Variants in PSME2 observed in about 807,000 individuals in gnomAD.
PSME2 encodes proteasome activator subunit 2, also known as proteasome activator complex subunit 2.
A neutral mutation model predicts 38.8 loss-of-function variants in PSME2; 20 were observed. The ratio of observed to expected loss-of-function variants is 0.52; its 90% CI spans 0.36 to 0.75. The LOEUF is 0.75. PSME2 is among the 30% of genes least tolerant of loss of function. The probability of loss-of-function intolerance (pLI) is 0.00; values close to 1 mark genes in which losing one functional copy is unlikely to be tolerated. For missense variants in PSME2, 227 were observed against 287.6 expected, an observed-to-expected ratio of 0.79 and a Z score of 1.52; for synonymous variants, 82 against 102.5, an observed-to-expected ratio of 0.80 and a Z score of 1.21.
Position 24,145,315 on chromosome 14 carries a change from G to A in PSME2, c.232-42C>T, listed in dbSNP as rs368057665. The A allele has an allele frequency of 7.4e-6, 12 of 1,613,276 alleles. No homozygotes were observed. The African/African-American group carries it at 1.2e-4, about 16-fold the overall frequency. ...GGAAAGTAGCTTTAGAAAAGTCACA[G>A]AGGTTGAAGGGCTATCTTCTCCATT... On this transcript the variant is annotated intron_variant, in intron 4 of 10. Transcript: ENST00000216802.
At chr14:24,144,708 G>T (rs980971317) in intron 6 of PSME2, 2 of 584,158 alleles carry the variant, frequency 3.4e-6, no homozygotes, top group Non-Finnish European at 6.0e-6. Context: ...AAGGCTACCA[G>T]CTAGGTAACT....
Position 24,146,583 on chromosome 14 carries a change from C to A in PSME2, c.-2G>T. ...GCGCACCCCACACGGCTTGGCCATG[C>A]TGCTTCAGTCGCTAGATCTCTGGTC... On this transcript the variant is annotated 5_prime_UTR_variant, in exon 1 of 11. Transcript: ENST00000216802. 6.2e-7 allele frequency: 1 copy of A among 1,613,430 alleles called. No homozygotes were observed. Among genetic ancestry groups the A allele is most frequent in the Non-Finnish European group, 8.5e-7 (1 of 1,180,030 alleles).
intron 3 of PSME2, 70 bp downstream of exon 3, chr14:24,145,640 G>A (rs1441308524): frequency 6.5e-7 from 1 of 1,528,620 alleles, no homozygotes; most frequent in African/African-American, 1.4e-5. Context: ...GAATCCAGTT[G>A]TTAGCTAGAG....
chr14:24,146,472 C>G, intron 1 of PSME2, 62 bp downstream of exon 1: 1 of 1,608,806 alleles, frequency 6.2e-7, no homozygotes, highest in Admixed American at 1.7e-5. Context: ...CCTGAACCAC[C>G]CAGCTTGGCC....
At position 24,143,514 on chromosome 14, in the gene PSME2, G is replaced by C. The variant is rs373626883; in HGVS notation, c.640-25C>G. 1.2e-5 allele frequency: 19 copies of C among 1,613,394 alleles called. No individual in the cohort carries two copies. In the African/African-American group the frequency reaches 2.3e-4, roughly 19 times the overall value. On this transcript the variant is annotated intron_variant, in intron 10 of 10. Coordinates refer to ENST00000216802, the MANE Select transcript of PSME2 (RefSeq NM_002818.3). This position sits in a 1 kb window ranked among gnomAD's most constrained non-coding sequence, Gnocchi z 4.4. ...CCTGGGAGAAGGCCAGAGTGCAAGAGTCAGGTTCTTAGCCAATCCCCTGCC... is the reference window on the plus strand; with the variant it reads ...CCTGGGAGAAGGCCAGAGTGCAAGACTCAGGTTCTTAGCCAATCCCCTGCC...
At chr14:24,146,318 G>A in intron 1 of PSME2, 78 bp from the exon 2 acceptor site, 9 of 1,558,244 alleles carry the variant, frequency 5.8e-6, no homozygotes, top group Non-Finnish European at 8.0e-6. Context: ...GGGTGCCCTC[G>A]AACTGTGGCT....
chr14:24,144,603 A>G, intron 6 of PSME2, 135 bp from the exon 7 acceptor site: 1 of 836,384 alleles, frequency 1.2e-6, no homozygotes, highest in Non-Finnish European at 1.9e-6. Flanking sequence ...TATTTATTTC[A>G]TGTAATCATC....
At position 24,145,451 on chromosome 14, in the gene PSME2, ATT is replaced by A; in HGVS notation, c.157_158del (p.Asn53CysfsTer3). The A allele has an allele frequency of 6.4e-7, 1 of 1,554,826 alleles. No individual in the cohort carries two copies. ...LNQLLQEDSL[N>X]VADLTSLRAP... ...CCCGGAGGGAAGTCAAGTCAGCCAC[ATT>A]GAGGGAGTCCTCCTGCACAGAGCTC... On this transcript the variant is annotated frameshift_variant, in exon 4 of 11. Coordinates refer to ENST00000216802, the MANE Select transcript of PSME2 (RefSeq NM_002818.3). LOFTEE classifies it high-confidence loss of function.
intron 6 of PSME2, 30 bp downstream of exon 6, chr14:24,145,025 TCTC>T: frequency 6.3e-7 from 1 of 1,578,182 alleles, no homozygotes; most frequent in Non-Finnish European, 8.7e-7. Context: ...TTGTGTGTCT[TCTC>T]TTTCTGCTTC....
intron 3 of PSME2, 110 bp from the exon 4 acceptor site, chr14:24,145,575 C>A: frequency 7.0e-7 from 1 of 1,438,234 alleles, no homozygotes; most frequent in Non-Finnish European, 9.7e-7. Context: ...TAGGCTCATG[C>A]CTCACGCCAT....
chr14:24,145,665 G>C (rs2038141218), intron 3 of PSME2, 45 bp downstream of exon 3: 2 of 1,578,568 alleles, frequency 1.3e-6, no homozygotes, highest in Non-Finnish European at 1.7e-6. Context: ...TGGGCAAAGG[G>C]GATAGAGGAC....
chr14:24,143,920 C>T lies in PSME2; in HGVS notation c.552+55G>A, dbSNP rs1197934074. The T allele has an allele frequency of 6.4e-7, 1 of 1,573,504 alleles. No homozygotes were observed. Among genetic ancestry groups the T allele is most frequent in the Non-Finnish European group, 8.7e-7 (1 of 1,144,208 alleles). ...CAAACAAGACAAGGAGGACTTCTTC[C>T]TCCACACCTCCTCGTCCCACACCCA... On this transcript the variant is annotated intron_variant, in intron 9 of 10. Coordinates refer to ENST00000216802, the MANE Select transcript of PSME2 (RefSeq NM_002818.3). The surrounding 1 kb of genome is among the most constrained non-coding windows in gnomAD (Gnocchi z 4.4).
chr14:24,143,541 G>A lies in PSME2; in HGVS notation c.639+44C>T, dbSNP rs749128597. 1 of 1,612,206 alleles carries A rather than the reference G, an allele frequency of 6.2e-7. No individual in the cohort carries two copies. Among genetic ancestry groups the A allele is most frequent in the East Asian group, 2.2e-5 (1 of 44,868 alleles). On this transcript the variant is annotated intron_variant, in intron 10 of 10. Transcript: ENST00000216802. The surrounding 1 kb of genome is among the most constrained non-coding windows in gnomAD (Gnocchi z 4.4). ...CAGGTTCTTAGCCAATCCCCTGCCT[G>A]CCCCCACTCATCCACCTCCCCTAAA...
chr14:24,143,375 A>G lies in PSME2; in HGVS notation c.*34T>C, dbSNP rs754186139. Reference sequence around the variant, plus strand: ...CACGCCAGAAGGGAATCCACACAACATATAGATCATTTATTTTCCTTCTAG... The same window carrying G: ...CACGCCAGAAGGGAATCCACACAACGTATAGATCATTTATTTTCCTTCTAG... On this transcript the variant is annotated 3_prime_UTR_variant, in exon 11 of 11. Coordinates refer to ENST00000216802, the MANE Select transcript of PSME2 (RefSeq NM_002818.3). The surrounding 1 kb of genome is among the most constrained non-coding windows in gnomAD (Gnocchi z 4.4). 6.3e-7 allele frequency: 1 copy of G among 1,577,268 alleles called. No individual in the cohort carries two copies. The highest frequency in any genetic ancestry group is 1.1e-5 in the South Asian group (1 of 90,234).
chr14:24,143,953 G>T lies in PSME2; in HGVS notation c.552+22C>A, dbSNP rs759796717. On this transcript the variant is annotated intron_variant, in intron 9 of 10. Transcript: ENST00000216802. The surrounding 1 kb of genome is among the most constrained non-coding windows in gnomAD (Gnocchi z 4.4). Reference sequence around the variant, plus strand: ...CTCCTCGTCCCACACCCAGCTAAAAGGCTGGTGGACTATCCACTCACTACA... The same window carrying T: ...CTCCTCGTCCCACACCCAGCTAAAATGCTGGTGGACTATCCACTCACTACA... 2.5e-6 allele frequency: 4 copies of T among 1,612,008 alleles called. No homozygotes were observed. In the South Asian group the frequency reaches 4.4e-5, roughly 18 times the overall value.
Position 24,143,474 on chromosome 14 carries a change from T to C in PSME2, c.655A>G (p.Ile219Val), listed in dbSNP as rs1467737355. ...ATTTTCTCCAGGTTGCTGCTGATGA[T>C]ATGATAAAGCTCAGCCTGGGAGAAG... ...LRAFYAELYH[I>V]ISSNLEKIVN... is the part of the protein sequence containing the mutation. The change falls in exon 11 of 11, where the codon ATC becomes GTC. Residue 219 changes from isoleucine to valine, a missense_variant. By Grantham distance (29) the Ile-to-Val change is conservative. This residue lies in a region of PSME2 where 99 missense variants were observed against 113.9 expected (regional missense o/e 0.87). Coordinates refer to ENST00000216802, the MANE Select transcript of PSME2 (RefSeq NM_002818.3). The surrounding 1 kb of genome is among the most constrained non-coding windows in gnomAD (Gnocchi z 4.4). 6.2e-7 allele frequency: 1 copy of C among 1,614,204 alleles called. No homozygotes were observed. The highest frequency in any genetic ancestry group is 1.1e-5 in the South Asian group (1 of 91,088).
chr14:24,146,556 A>T lies in PSME2; in HGVS notation c.26T>A (p.Leu9Gln). Reference protein sequence around the residue: MAKPCGVRLSGEARKQVEV... With the variant: MAKPCGVRQSGEARKQVEV... The stretch of plus-strand genomic sequence containing the variant: ...TACCTGTTTGCGGGCTTCCCCGCTC[A>T]GGCGCACCCCACACGGCTTGGCCAT... The change falls in exon 1 of 11, where the codon CTG becomes CAG. Residue 9 changes from leucine to glutamine, a missense_variant. By Grantham distance (113) the Leu-to-Gln change is moderately radical. Transcript: ENST00000216802. The T allele has an allele frequency of 6.2e-7, 1 of 1,613,860 alleles. No individual in the cohort carries two copies. Among genetic ancestry groups the T allele is most frequent in the Non-Finnish European group, 8.5e-7 (1 of 1,180,022 alleles).
chr14:24,146,391 A>G (rs1311158325), intron 1 of PSME2, 143 bp downstream of exon 1: 23 of 1,431,580 alleles, frequency 1.6e-5, no homozygotes, highest in Non-Finnish European at 2.2e-5. Context: ...GTCAGAAGGC[A>G]GGAATCTGGG....
chr14:24,145,094 C>T lies in PSME2; in HGVS notation c.324G>A (p.Lys108=), dbSNP rs1380792996. The change falls in exon 6 of 11, where the codon AAG becomes AAA. Residue 108 remains lysine (K), a synonymous_variant. Transcript: ENST00000216802. The part of the protein sequence containing the change: ...EKVLSLLALV[K]PEVWTLKEKC... ...TCTCTTTGAGAGTCCAGACTTCTGG[C>T]TTAACCAGGGCAAGCAGGGACAGGA... 9 of 1,613,794 alleles carry T rather than the reference C, an allele frequency of 5.6e-6. No individual in the cohort carries two copies. The highest frequency in any genetic ancestry group is 1.1e-5 in the South Asian group (1 of 91,064).
Sources: gnomAD v4.1 joint callset for allele counts on GRCh38, gnomAD v4.1.1 for gene constraint, gnomAD v4.1.1 regional missense constraint, Gnocchi (gnomAD v3.1) non-coding constraint, MANE v1.5 for transcripts, NCBI Gene and HGNC (gene_info 2026-07-23, HGNC 2026-07-21) for gene names.